Variants in PRKCB observed in about 807,000 individuals in gnomAD.
PRKCB encodes protein kinase C beta.
Under a neutral mutation model 81.5 loss-of-function variants are expected in PRKCB, and 13 were observed. The observed-to-expected ratio is 0.16, with a 90% CI of 0.10 to 0.25. PRKCB has a LOEUF of 0.25. PRKCB is among the 10% of genes least tolerant of loss of function. PRKCB has a pLI of 1.00. For missense variants in PRKCB, 509 were observed against 875.7 expected (o/e 0.58, Z 5.29); for synonymous variants, 335 against 321.4 (o/e 1.04, Z -0.45).
intron 10 of PRKCB, among the ~76,000 whole-genome samples, chr16:24,166,806 T>C (rs906732172): frequency 2.0e-5 from 3 of 152,230 alleles, no homozygotes; most frequent in African/African-American, 7.2e-5. Context: ...ATTTAATAGC[T>C]TAGGCACTGG....
At chr16:24,158,605 T>C (rs1967205341) in intron 10 of PRKCB, among the ~76,000 whole-genome samples, 1 of 147,142 alleles carries the variant, frequency 6.8e-6, no homozygotes, top group Admixed American at 6.8e-5. Context: ...TGTGTGTGTA[T>C]GTGTGTGTGT....
At position 23,836,368 on chromosome 16, in the gene PRKCB, G is replaced by A. The variant is rs201303255; in HGVS notation, c.173+20G>A. ...CATCTGGTGAGCGCGCGCGCGCAGG[G>A]CACCTTCCCGGGCCCCCGAGGGCAG... On this transcript the variant is annotated intron_variant, in intron 1 of 16. Transcript: ENST00000643927. The A allele has an allele frequency of 1.2e-4, 192 of 1,592,384 alleles. No individual in the cohort carries two copies. Among genetic ancestry groups the A allele is most frequent in the Admixed American group, 1.5e-4 (9 of 58,830 alleles).
chr16:23,939,969 C>G (rs1964117471), intron 2 of PRKCB, among the ~76,000 whole-genome samples: 1 of 152,046 alleles, frequency 6.6e-6, no homozygotes, highest in African/African-American at 2.4e-5. Flanking sequence ...GGACTATTAT[C>G]TAGGATACAT....
At chr16:24,115,735 T>G (rs982021035) in intron 8 of PRKCB, among the ~76,000 whole-genome samples, 1 of 152,152 alleles carries the variant, frequency 6.6e-6, no homozygotes, top group East Asian at 1.9e-4. Context: ...TGTTTTGTTT[T>G]GTTTTTTTGA....
chr16:24,102,761 T>C (rs1380340162), intron 7 of PRKCB, among the ~76,000 whole-genome samples: 2 of 152,280 alleles, frequency 1.3e-5, no homozygotes, highest in South Asian at 2.1e-4. Flanking sequence ...CTGGGATTTG[T>C]GTATCAATTT....
intron 3 of PRKCB, among the ~76,000 whole-genome samples, chr16:23,996,300 A>G (rs1176942934): frequency 6.6e-6 from 1 of 152,188 alleles, no homozygotes; most frequent in Non-Finnish European, 1.5e-5. Context: ...TTCCCCAGAC[A>G]CCCTGTCATC....
chr16:23,873,185 C>A (rs1264131496), intron 2 of PRKCB, among the ~76,000 whole-genome samples: 1,391 of 73,596 alleles, frequency 0.019, 21 homozygotes, highest in African/African-American at 0.06. Context: ...CACACACACA[C>A]ACACAAAAAA....
chr16:24,111,199 A>T (rs1028910986), intron 7 of PRKCB: 2 of 152,230 alleles, frequency 1.3e-5, no homozygotes, highest in East Asian at 3.8e-4. Flanking sequence ...AATTTGGAAT[A>T]TTAAATGTGG....
chr16:24,128,071 C>T (rs1966847520), intron 9 of PRKCB, among the ~76,000 whole-genome samples: 1 of 152,122 alleles, frequency 6.6e-6, no homozygotes, highest in Admixed American at 6.6e-5. Flanking sequence ...CAAAACAAAA[C>T]AAAACATGTT....
intron 13 of PRKCB, 70 bp from the exon 14 acceptor site, chr16:24,185,039 GAA>G: frequency 7.8e-7 from 1 of 1,279,298 alleles, no homozygotes; most frequent in Non-Finnish European, 1.1e-6. Context: ...TCTTGTAAAA[GAA>G]GAGTGAAATC....
rs117729782 is a variant in PRKCB at position 24,070,608 on chromosome 16, G to C, written c.530-22183G>C. On this transcript the variant is annotated intron_variant, in intron 5 of 16. Coordinates refer to ENST00000643927, the MANE Select transcript of PRKCB (RefSeq NM_002738.7). Reference sequence around the variant, plus strand: ...TGCAGTCATTACAACGCATATAATAGCATGAAGTATATAGCTCCTCAGCCC... The same window carrying C: ...TGCAGTCATTACAACGCATATAATACCATGAAGTATATAGCTCCTCAGCCC... Among the ~76,000 whole-genome samples, 787 of 152,236 alleles carry C rather than the reference G, an allele frequency of 5.2e-3. 4 individuals carry two copies. The highest frequency in any genetic ancestry group is 0.01 in the Middle Eastern group (3 of 294).
At chr16:24,148,110 G>C (rs554836589) in intron 9 of PRKCB, among the ~76,000 whole-genome samples, 3 of 152,242 alleles carry the variant, frequency 2.0e-5, no homozygotes, top group African/African-American at 7.2e-5. Flanking sequence ...TATCCTTATA[G>C]GAATCATAGG....
chr16:24,069,771 G>A (rs1966084329), intron 5 of PRKCB, among the ~76,000 whole-genome samples: 2 of 152,122 alleles, frequency 1.3e-5, no homozygotes, highest in Admixed American at 1.3e-4. Flanking sequence ...AACAGTGCCT[G>A]GCATATAGTA....
At chr16:24,109,486 CG>C (rs1966642273) in intron 7 of PRKCB, among the ~76,000 whole-genome samples, 1 of 111,740 alleles carries the variant, frequency 8.9e-6, no homozygotes, top group Non-Finnish European at 1.8e-5. Flanking sequence ...GGGGCAGAGG[CG>C]CTCCCCACAT....
chr16:23,903,535 G>A (rs1963514940), intron 2 of PRKCB, among the ~76,000 whole-genome samples: 1 of 152,062 alleles, frequency 6.6e-6, no homozygotes, highest in Non-Finnish European at 1.5e-5. Context: ...ATATGAGAAA[G>A]TAAATGATTT....
chr16:23,995,643 CA>C (rs1351434105), intron 3 of PRKCB, among the ~76,000 whole-genome samples: 1 of 152,140 alleles, frequency 6.6e-6, no homozygotes, highest in African/African-American at 2.4e-5. Flanking sequence ...TGGGCATGCA[CA>C]GCAGCACTTC....
intron 2 of PRKCB, among the ~76,000 whole-genome samples, chr16:23,940,898 C>T (rs1332080587): frequency 1.3e-5 from 2 of 152,138 alleles, no homozygotes; most frequent in Non-Finnish European, 2.9e-5. Context: ...GGGATAATAA[C>T]GCAGTAGTTG....
At chr16:24,038,619 T>C (rs1052151485) in intron 5 of PRKCB, among the ~76,000 whole-genome samples, 2 of 152,118 alleles carry the variant, frequency 1.3e-5, no homozygotes, top group Admixed American at 1.3e-4. Flanking sequence ...GGCTTGTTGA[T>C]TGATGGATGA....
chr16:24,150,410 C>T (rs951857947), intron 9 of PRKCB, among the ~76,000 whole-genome samples: 1 of 152,190 alleles, frequency 6.6e-6, no homozygotes, highest in Non-Finnish European at 1.5e-5. Flanking sequence ...GGACCCAGGA[C>T]TGACTCCTCA....
Sources: gnomAD v4.1 joint callset for allele counts (sites outside exome capture counted in the v4.1 genomes callset) on GRCh38, gnomAD v4.1.1 for gene constraint, MANE v1.5 for transcripts, NCBI Gene and HGNC (gene_info 2026-07-23, HGNC 2026-07-21) for gene names.